SLIT2: variants seen among roughly 807,000 people sequenced by gnomAD.
SLIT2 encodes slit homolog 2 protein.
Under a neutral mutation model 185.7 loss-of-function variants are expected in SLIT2, and 41 were observed. The observed-to-expected ratio is 0.22, with a 90% CI of 0.17 to 0.29. SLIT2 has a LOEUF of 0.29. Ranked by LOEUF, SLIT2 falls within the 10% of genes least tolerant of loss-of-function variation. The pLI is 1.00. For synonymous variants in SLIT2, 693 were observed against 680.2 expected, an observed-to-expected ratio of 1.02 and a Z score of -0.29; for missense variants, 1,571 against 1,909.0, an observed-to-expected ratio of 0.82 and a Z score of 3.30.
intron 4 of SLIT2, among the ~76,000 whole-genome samples, chr4:20,405,509 G>A (rs1209496108): frequency 6.6e-6 from 1 of 151,958 alleles, no homozygotes; most frequent in African/African-American, 2.4e-5. Flanking sequence ...TAAGATGTGT[G>A]AGAGTGTAAA....
intron 27 of SLIT2, 50 bp downstream of exon 27, chr4:20,567,436 G>A (rs1409969030): frequency 6.2e-7 from 1 of 1,611,806 alleles, no homozygotes; most frequent in Admixed American, 1.7e-5. Flanking sequence ...AACTTTTCTT[G>A]GTGTGCCTTT....
intron 4 of SLIT2, among the ~76,000 whole-genome samples, chr4:20,270,965 A>T (rs1405690996): frequency 2.0e-5 from 3 of 151,538 alleles, no homozygotes; most frequent in East Asian, 1.9e-4. Context: ...CCACTTGTTT[A>T]TGATGGTGAT....
chr4:20,469,578 A>T (rs190536815), intron 5 of SLIT2, among the ~76,000 whole-genome samples: 12 of 151,870 alleles, frequency 7.9e-5, no homozygotes, highest in Non-Finnish European at 1.8e-4. Flanking sequence ...CACAGGCATA[A>T]TTTTTTCTCA....
chr4:20,268,477 G>T (rs1192409647), intron 3 of SLIT2, among the ~76,000 whole-genome samples: 1 of 151,720 alleles, frequency 6.6e-6, no homozygotes, highest in Non-Finnish European at 1.5e-5. Context: ...TGGTATTTCT[G>T]CTGGATATTG....
At chr4:20,442,708 G>C (rs888556055) in intron 4 of SLIT2, among the ~76,000 whole-genome samples, 3 of 152,110 alleles carry the variant, frequency 2.0e-5, no homozygotes, top group Non-Finnish European at 2.9e-5. Flanking sequence ...GTGGACTGGA[G>C]CAGAGTTTTC....
intron 4 of SLIT2, among the ~76,000 whole-genome samples, chr4:20,329,781 G>A (rs1560322649): frequency 6.6e-6 from 1 of 151,998 alleles, no homozygotes; most frequent in African/African-American, 2.4e-5. Context: ...TAATCAGACA[G>A]GTTCTAATAA....
intron 4 of SLIT2, among the ~76,000 whole-genome samples, chr4:20,387,638 C>T (rs894281386): frequency 2.0e-5 from 3 of 152,074 alleles, no homozygotes; most frequent in Non-Finnish European, 2.9e-5. Flanking sequence ...TGTGGTAAAA[C>T]GAGAGGAACT....
intron 4 of SLIT2, among the ~76,000 whole-genome samples, chr4:20,347,958 TTG>T (rs1207913310): frequency 6.6e-6 from 1 of 152,222 alleles, no homozygotes; most frequent in African/African-American, 2.4e-5. Context: ...GAACAAATCT[TTG>T]TTTTAGGAAA....
intron 5 of SLIT2, among the ~76,000 whole-genome samples, chr4:20,477,391 G>T (rs917558907): frequency 2.0e-5 from 3 of 151,866 alleles, no homozygotes; most frequent in African/African-American, 4.8e-5. Flanking sequence ...TAGAGATGGG[G>T]TTTCACCATG....
Position 20,253,790 on chromosome 4 carries a change from G to T in SLIT2, c.-26G>T, listed in dbSNP as rs757377457. ...CAAGCTAAAGAAAGCCCCCAGTGCC[G>T]GCGAGGAAGGAGGCGGCGGGGAAAG... On this transcript the variant is annotated 5_prime_UTR_variant, in exon 1 of 37. Transcript: ENST00000504154. 3.1e-6 allele frequency: 5 copies of T among 1,595,578 alleles called. No individual in the cohort carries two copies. The highest frequency in any genetic ancestry group is 1.7e-5 in the Admixed American group (1 of 59,888).
chr4:20,524,436 T>C (rs1721111850), intron 14 of SLIT2, among the ~76,000 whole-genome samples: 1 of 152,242 alleles, frequency 6.6e-6, no homozygotes, highest in South Asian at 2.1e-4. Context: ...TCATAGTACC[T>C]TTCCAAAATT....
intron 4 of SLIT2, among the ~76,000 whole-genome samples, chr4:20,315,259 T>A (rs1718475945): frequency 6.6e-6 from 1 of 152,130 alleles, no homozygotes; most frequent in African/African-American, 2.4e-5. Context: ...TTTTCATCCA[T>A]GCTTGTGAGA....
At chr4:20,513,781 C>A (rs2148830415) in intron 11 of SLIT2, among the ~76,000 whole-genome samples, 1 of 152,106 alleles carries the variant, frequency 6.6e-6, no homozygotes, top group Middle Eastern at 3.4e-3. Context: ...CAACAAAGAC[C>A]TGAAGATTTG....
In SLIT2 at chr4:20,617,651, G is replaced by T; in HGVS notation, c.4348+1G>T. ...TACACGGGGGACAGCTGTGATCGAG[G>T]TAAGCCAGCCCCACTGGGCACCTCA... On this transcript the variant is annotated splice_donor_variant, in intron 36 of 36. Transcript: ENST00000504154. LOFTEE classifies it high-confidence loss of function. 6.2e-7 allele frequency: 1 copy of T among 1,604,928 alleles called. No individual in the cohort carries two copies.
intron 4 of SLIT2, among the ~76,000 whole-genome samples, chr4:20,412,558 G>C (rs752553154): frequency 2.0e-5 from 3 of 151,924 alleles, no homozygotes; most frequent in Non-Finnish European, 2.9e-5. Context: ...GAGTAGATAG[G>C]CAAATACTAT....
Position 20,253,085 on chromosome 4 carries a change from G to A in SLIT2, c.-731G>A, listed in dbSNP as rs893432451. On this transcript the variant is annotated 5_prime_UTR_variant, in exon 1 of 37. Coordinates refer to ENST00000504154, the MANE Select transcript of SLIT2 (RefSeq NM_004787.4). ...GGCGGGATTGCCCAGACATCCTTCA[G>A]CGAAGTGCATGTGTGTTTGTAAACC... Among the ~76,000 whole-genome samples, 2 of 152,184 alleles carry A rather than the reference G, an allele frequency of 1.3e-5. No homozygotes were observed. Among genetic ancestry groups the A allele is most frequent in the African/African-American group, 4.8e-5 (2 of 41,450 alleles).
chr4:20,310,965 G>A (rs1008842489), intron 4 of SLIT2, among the ~76,000 whole-genome samples: 29 of 152,130 alleles, frequency 1.9e-4, no homozygotes, highest in Admixed American at 1.9e-3. Flanking sequence ...GCTCATTATA[G>A]CTGTAAACTC....
chr4:20,416,879 C>T (rs1464610319), intron 4 of SLIT2, among the ~76,000 whole-genome samples: 3 of 151,964 alleles, frequency 2.0e-5, no homozygotes, highest in African/African-American at 4.8e-5. Context: ...TAAGCCTGAT[C>T]TTAAGTGTAT....
At position 20,548,529 on chromosome 4, in the gene SLIT2, G is replaced by A. The variant is rs1197946783; in HGVS notation, c.2387G>A (p.Ser796Asn). The change falls in exon 23 of 37, where the codon AGC becomes AAC. Residue 796 changes from serine to asparagine, a missense_variant. This residue lies in a region of SLIT2 where 1,202 missense variants were observed against 1,416.4 expected (regional missense o/e 0.85). Coordinates refer to ENST00000504154, the MANE Select transcript of SLIT2 (RefSeq NM_004787.4). ...NNRISTLSNQ[S>N]FSNMTQLLTL... ...AGAATAAGCACGCTTTCTAATCAGA[G>A]CTTCAGCAACATGACCCAGCTCCTC... is the stretch of plus-strand genomic sequence containing the variant. 6.2e-7 allele frequency: 1 copy of A among 1,608,916 alleles called. No individual in the cohort carries two copies. Among genetic ancestry groups the A allele is most frequent in the Non-Finnish European group, 8.5e-7 (1 of 1,175,558 alleles).
Sources: gnomAD v4.1 joint callset for allele counts (sites outside exome capture counted in the v4.1 genomes callset) on GRCh38, gnomAD v4.1.1 for gene constraint, gnomAD v4.1.1 regional missense constraint, MANE v1.5 for transcripts, NCBI Gene and HGNC (gene_info 2026-07-23, HGNC 2026-07-21) for gene names.